The following TEX15 variants were observed in gnomAD, a reference collection of about 807,000 sequenced individuals.
TEX15 encodes the protein testis-expressed protein 15.
In TEX15, 171 loss-of-function variants were observed where a neutral mutation model predicts 237.3. That is an observed-to-expected ratio of 0.72 (90% CI 0.64 to 0.82). TEX15 has a LOEUF of 0.82. TEX15 is among the 40% of genes least tolerant of loss of function. The probability of loss-of-function intolerance (pLI) is 0.00; values close to 1 mark genes in which losing one functional copy is unlikely to be tolerated. For synonymous variants in TEX15, 1,338 were observed against 1,269.8 expected, an observed-to-expected ratio of 1.05 and a Z score of -1.14; for missense variants, 3,750 against 3,646.5, an observed-to-expected ratio of 1.03 and a Z score of -0.73.
chr8:30,911,152 C>T (rs996285579), intron 1 of TEX15, among the ~76,000 whole-genome samples: 1 of 152,134 alleles, frequency 6.6e-6, no homozygotes, highest in Non-Finnish European at 1.5e-5. Flanking sequence ...CAGAGTCTCG[C>T]TCTGTCGCCC....
At chr8:30,865,558 T>C (rs1182587551) in intron 5 of TEX15, among the ~76,000 whole-genome samples, 1 of 152,018 alleles carries the variant, frequency 6.6e-6, no homozygotes, top group Admixed American at 6.6e-5. Flanking sequence ...CAACAAAAGA[T>C]TAGCAAACTG....
At position 30,843,198 on chromosome 8, in the gene TEX15, G is replaced by A. The variant is rs1563232963; in HGVS notation, c.6969C>T (p.Asn2323=). The A allele has an allele frequency of 6.2e-7, 1 of 1,613,434 alleles. No homozygotes were observed. Among genetic ancestry groups the A allele is most frequent in the Admixed American group, 1.7e-5 (1 of 59,978 alleles). ...GCCCAATAGGGGAAATTGGTTCATT[G>A]TTTAAATCTTTAGACAAAGTATCAT... The part of the protein sequence containing the change: ...KIYDTLSKDL[N]NEPISPIGLE... Residue 2323 remains asparagine (N), a synonymous_variant, in exon 8 of 11, where the codon AAC becomes AAT. Transcript: ENST00000643185.
At position 30,839,802 on chromosome 8, in the gene TEX15, A is replaced by G. The variant is rs139034365; in HGVS notation, c.8222+104T>C. ...TACTCTCATCCCCTAAGTTACATGTATGATCCAATGACATTATATAAATAA... is the reference window on the plus strand; with the variant it reads ...TACTCTCATCCCCTAAGTTACATGTGTGATCCAATGACATTATATAAATAA... On this transcript the variant is annotated intron_variant, in intron 9 of 10. Coordinates refer to ENST00000643185, the MANE Select transcript of TEX15 (RefSeq NM_001350162.2). 7 of 646,846 alleles carry G rather than the reference A, an allele frequency of 1.1e-5. No homozygotes were observed. The African/African-American group carries it at 1.1e-4, about 10-fold the overall frequency. The allele number at this position is 646,846 out of a possible 1,614,324, so 40.1% of individuals were successfully genotyped here.
chr8:30,873,684 A>T (rs1366258045), intron 4 of TEX15, among the ~76,000 whole-genome samples: 4 of 152,144 alleles, frequency 2.6e-5, no homozygotes, highest in African/African-American at 9.7e-5. Flanking sequence ...ACCCATTCAA[A>T]CTGGCTTGTG....
At chr8:30,839,986 A>G in intron 8 of TEX15, 22 bp from the exon 9 acceptor site, 2 of 1,479,550 alleles carry the variant, frequency 1.4e-6, no homozygotes, top group South Asian at 1.3e-5. Context: ...AGATACAAAG[A>G]AAATCTTCAT....
chr8:30,839,799 T>C (rs559367925), intron 9 of TEX15, 107 bp downstream of exon 9: 8 of 624,882 alleles, frequency 1.3e-5, no homozygotes, highest in African/African-American at 7.5e-5. Context: ...CTAAGTTACA[T>C]GTATGATCCA....
At position 30,837,494 on chromosome 8, in the gene TEX15, A is replaced by C. The variant is rs1807335086; in HGVS notation, c.8790T>G (p.Asn2930Lys). The change falls in exon 10 of 11, where the codon AAT becomes AAG. Residue 2930 changes from asparagine to lysine, a missense_variant. Physicochemically the swap from Asn to Lys is moderately conservative, Grantham distance 94. Coordinates refer to ENST00000643185, the MANE Select transcript of TEX15 (RefSeq NM_001350162.2). ...DNDIVNSSIK[N>K]SSCMTSPEPI... ...GTTCTGGAGAAGTCATGCATGAGGA[A>C]TTTTTAATAGATGAATTTACTATAT... 1.2e-6 allele frequency: 2 copies of C among 1,613,448 alleles called. No individual in the cohort carries two copies. Among genetic ancestry groups the C allele is most frequent in the Non-Finnish European group, 1.7e-6 (2 of 1,179,550 alleles).
rs777273240 is a variant in TEX15, at chr8:30,846,564, T to A, written c.3603A>T (p.Leu1201=). The A allele has an allele frequency of 3.7e-6, 6 of 1,613,676 alleles. No individual in the cohort carries two copies. The highest frequency in any genetic ancestry group is 5.1e-6 in the Non-Finnish European group (6 of 1,179,768). ...AAGGCTGGGAATAAATGTCAAATCCTAGAATTTCTCCATCTTCCTTATTTA... is the reference window on the plus strand; with the variant it reads ...AAGGCTGGGAATAAATGTCAAATCCAAGAATTTCTCCATCTTCCTTATTTA... ...PEINKEDGEI[L]GFDIYSQPFG... is the part of the protein sequence containing the mutation. The change falls in exon 8 of 11, where the codon CTA becomes CTT. Residue 1201 remains leucine, a synonymous_variant. Coordinates refer to ENST00000643185, the MANE Select transcript of TEX15 (RefSeq NM_001350162.2).
chr8:30,839,889 C>T lies in TEX15; in HGVS notation c.8222+17G>A. 1 of 1,582,912 alleles carries T rather than the reference C, an allele frequency of 6.3e-7. No individual in the cohort carries two copies. The highest frequency in any genetic ancestry group is 8.6e-7 in the Non-Finnish European group (1 of 1,165,682). On this transcript the variant is annotated intron_variant, in intron 9 of 10. Coordinates refer to ENST00000643185, the MANE Select transcript of TEX15 (RefSeq NM_001350162.2). ...TGTTCAATTTTTTTTCCACATAGGG[C>T]TGATGGGAACTCCTACCTTGGATGC...
rs554108565 is a variant in TEX15, at chr8:30,871,643, C to T, written c.302+3294G>A. 8.5e-5 allele frequency among the ~76,000 whole-genome samples: 13 copies of T among 152,224 alleles called. 1 individual carries two copies. The South Asian group carries it at 2.7e-3, about 32-fold the overall frequency. ...GGAAAACTGCAGTCTACTCATTTGG[C>T]TACGCTTTTTCACACATACCCTTCT... On this transcript the variant is annotated intron_variant, in intron 4 of 10. Coordinates refer to ENST00000643185, the MANE Select transcript of TEX15 (RefSeq NM_001350162.2).
chr8:30,912,387 C>T (rs997615169), intron 1 of TEX15, among the ~76,000 whole-genome samples: 3 of 152,212 alleles, frequency 2.0e-5, no homozygotes, highest in African/African-American at 7.2e-5. Context: ...AAGATCCCCA[C>T]GCGCCCTGCG....
intron 3 of TEX15, among the ~76,000 whole-genome samples, chr8:30,881,625 TATTA>T (rs1363798642): frequency 0.034 from 3,462 of 102,226 alleles, 356 homozygotes; most frequent in African/African-American, 0.1. Context: ...TATTTTTTTT[TATTA>T]TTTTTTTTTT....
intron 2 of TEX15, among the ~76,000 whole-genome samples, chr8:30,889,790 T>C (rs1585310973): frequency 6.6e-6 from 1 of 151,654 alleles, no homozygotes; most frequent in Non-Finnish European, 1.5e-5. Context: ...TTTTTTGGTG[T>C]GGGATATTAG....
chr8:30,859,581 T>C (rs1316782874), intron 6 of TEX15, among the ~76,000 whole-genome samples: 1 of 152,136 alleles, frequency 6.6e-6, no homozygotes, highest in Non-Finnish European at 1.5e-5. Flanking sequence ...CTCTCAGCAA[T>C]TCTGAAATAA....
chr8:30,834,807 G>C (rs1307816667), intron 10 of TEX15, among the ~76,000 whole-genome samples: 2 of 152,144 alleles, frequency 1.3e-5, no homozygotes, highest in South Asian at 2.1e-4. Context: ...AGGTTATAGT[G>C]AATCAGTGAT....
intron 4 of TEX15, among the ~76,000 whole-genome samples, chr8:30,868,039 C>G (rs1222127625): frequency 6.6e-6 from 1 of 151,946 alleles, no homozygotes; most frequent in African/African-American, 2.4e-5. Flanking sequence ...CTACGTATCT[C>G]TACACATCTA....
At chr8:30,905,361 G>A (rs913689563) in intron 1 of TEX15, among the ~76,000 whole-genome samples, 6 of 151,656 alleles carry the variant, frequency 4.0e-5, no homozygotes, top group Non-Finnish European at 5.9e-5. Flanking sequence ...GGCAGAGAAT[G>A]AACTCTTGGG....
rs751927643 is a variant in TEX15 at position 30,846,115 on chromosome 8, GA to G, written c.4051del (p.Ser1351HisfsTer11). ...ACTCTTAATGTGCTTTTCTGACTGT[GA>G]AAATGTTTTAATTCGTCCTTGGGAT... ...SLSQGRIKTF[S>X]QSEKHIKSVL... On this transcript the variant is annotated frameshift_variant, in exon 8 of 11. Transcript: ENST00000643185. LOFTEE classifies it high-confidence loss of function. 3.1e-6 allele frequency: 5 copies of G among 1,613,512 alleles called. No homozygotes were observed. The South Asian group carries it at 5.5e-5, about 18-fold the overall frequency.
At chr8:30,841,892 A>G in intron 8 of TEX15, 112 bp downstream of exon 8, 2 of 670,338 alleles carry the variant, frequency 3.0e-6, no homozygotes, top group Non-Finnish European at 4.8e-6. Flanking sequence ...TCATTTTGCC[A>G]GACAATTTAC....
Sources: gnomAD v4.1 joint callset for allele counts (sites outside exome capture counted in the v4.1 genomes callset) on GRCh38, gnomAD v4.1.1 for gene constraint, MANE v1.5 for transcripts, NCBI Gene and HGNC (gene_info 2026-07-23, HGNC 2026-07-21) for gene names.